Variants in CHRM2 observed in about 807,000 individuals in gnomAD.
The protein encoded by CHRM2 is muscarinic acetylcholine receptor M2.
CHRM2 carries 8 observed loss-of-function variants against 25.0 expected under a neutral mutation model. The observed-to-expected ratio is 0.32, with a 90% CI of 0.19 to 0.58. The LOEUF is 0.58. Ranked by LOEUF, CHRM2 falls within the 20% of genes least tolerant of loss-of-function variation. The pLI is 0.88. For missense variants in CHRM2, 440 were observed against 567.1 expected (o/e 0.78, Z 2.28); for synonymous variants, 202 against 205.7 (o/e 0.98, Z 0.15).
chr7:136,885,193 T>C (rs1217901613), intron 2 of CHRM2, among the ~76,000 whole-genome samples: 1 of 152,228 alleles, frequency 6.6e-6, no homozygotes, highest in African/African-American at 2.4e-5. Context: ...CAGTTTATCA[T>C]CCCTCCTTAG....
At chr7:136,937,003 TGAA>T (rs1364373754) in intron 2 of CHRM2, among the ~76,000 whole-genome samples, 8 of 152,194 alleles carry the variant, frequency 5.3e-5, no homozygotes, top group Admixed American at 3.9e-4. Flanking sequence ...CTAGTCAACA[TGAA>T]TAGAGTTTCT....
chr7:136,973,861 T>C (rs116966513), intron 2 of CHRM2, among the ~76,000 whole-genome samples: 2 of 152,224 alleles, frequency 1.3e-5, no homozygotes, highest in Non-Finnish European at 2.9e-5. Context: ...GGGATGATTT[T>C]ATCCCACTGC....
intron 2 of CHRM2, among the ~76,000 whole-genome samples, chr7:136,882,675 T>C (rs1796311552): frequency 6.6e-6 from 1 of 152,102 alleles, no homozygotes; most frequent in South Asian, 2.1e-4. Context: ...AAAATAAAAC[T>C]TCCTTTCTGA....
At chr7:136,997,009 C>G (rs572664947) in intron 3 of CHRM2, among the ~76,000 whole-genome samples, 1 of 152,296 alleles carries the variant, frequency 6.6e-6, no homozygotes, top group South Asian at 2.1e-4. Context: ...TCTCACCCAG[C>G]TGTATCTCAA....
intron 2 of CHRM2, among the ~76,000 whole-genome samples, chr7:136,884,576 T>C (rs1476301619): frequency 6.6e-6 from 1 of 151,714 alleles, no homozygotes; most frequent in Non-Finnish European, 1.5e-5. Flanking sequence ...GAGGAACTGG[T>C]GTTTTCTGAG....
chr7:136,930,041 A>C (rs1198928833), intron 2 of CHRM2, among the ~76,000 whole-genome samples: 1 of 152,056 alleles, frequency 6.6e-6, no homozygotes, highest in African/African-American at 2.4e-5. Context: ...GCCAGATTGC[A>C]CTTAATGCAA....
At position 137,015,538 on chromosome 7, in the gene CHRM2, G is replaced by A. The variant is rs1161870506; in HGVS notation, c.673G>A (p.Val225Ile). The change falls in exon 4 of 4, where the codon GTT becomes ATT. Residue 225 changes from valine (V) to isoleucine (I), a missense_variant. By Grantham distance (29) the Val-to-Ile change is conservative. Transcript: ENST00000680005. The surrounding 1 kb of genome is among the most constrained non-coding windows in gnomAD (Gnocchi z 5.1). ...GATAAAGAAGGACAAGAAGGAGCCT[G>A]TTGCCAACCAAGACCCCGTTTCTCC... ...SRIKKDKKEP[V>I]ANQDPVSPSL... The A allele has an allele frequency of 1.9e-6, 3 of 1,612,872 alleles. No homozygotes were observed. The highest frequency in any genetic ancestry group is 3.3e-5 in the Admixed American group (2 of 59,834).
chr7:137,014,147 T>C (rs1263362403), intron 3 of CHRM2, among the ~76,000 whole-genome samples: 1 of 152,074 alleles, frequency 6.6e-6, no homozygotes, highest in Non-Finnish European at 1.5e-5. Context: ...TAAGCAAATA[T>C]TCTTGTGTAA....
chr7:136,925,771 T>C (rs113079711), intron 2 of CHRM2, among the ~76,000 whole-genome samples: 18 of 152,322 alleles, frequency 1.2e-4, no homozygotes, highest in African/African-American at 3.6e-4. Flanking sequence ...CTGCATCTCC[T>C]TTTCCTCTGC....
intron 2 of CHRM2, among the ~76,000 whole-genome samples, chr7:136,937,440 G>A (rs1262311899): frequency 2.0e-5 from 3 of 151,796 alleles, no homozygotes; most frequent in South Asian, 4.2e-4. Flanking sequence ...GATCTATATT[G>A]CATGTAGATT....
At chr7:136,924,368 C>G (rs1346871198) in intron 2 of CHRM2, among the ~76,000 whole-genome samples, 23 of 141,762 alleles carry the variant, frequency 1.6e-4, no homozygotes, top group African/African-American at 5.8e-4. Flanking sequence ...CCCCCTCCCC[C>G]ACCCCACAAC....
At position 137,015,024 on chromosome 7, in the gene CHRM2, C is replaced by T; in HGVS notation, c.159C>T (p.His53=). The change falls in exon 4 of 4, where the codon CAC becomes CAT. Residue 53 remains histidine (H), a synonymous_variant. Transcript: ENST00000680005. The surrounding 1 kb of genome is among the most constrained non-coding windows in gnomAD (Gnocchi z 5.1). ...LVMVSIKVNR[H]LQTVNNYFLF... The stretch of plus-strand genomic sequence containing the variant: ...TGGTTTCCATTAAAGTCAACCGCCA[C>T]CTCCAGACCGTCAACAATTACTTTT... 6.2e-7 allele frequency: 1 copy of T among 1,613,394 alleles called. No homozygotes were observed. Among genetic ancestry groups the T allele is most frequent in the Non-Finnish European group, 8.5e-7 (1 of 1,179,588 alleles).
At chr7:136,984,795 A>G (rs145533800) in intron 2 of CHRM2, among the ~76,000 whole-genome samples, 1 of 151,442 alleles carries the variant, frequency 6.6e-6, no homozygotes, top group Non-Finnish European at 1.5e-5. Context: ...AACAATCTCA[A>G]TGAAATGAAT....
At chr7:137,003,498 A>T (rs374925361) in intron 3 of CHRM2, among the ~76,000 whole-genome samples, 24,025 of 89,358 alleles carry the variant, frequency 0.27, 2,470 homozygotes, top group African/African-American at 0.34. Context: ...ACACACACAC[A>T]CACACACACA....
intron 3 of CHRM2, among the ~76,000 whole-genome samples, chr7:136,992,791 A>G (rs1317943806): frequency 6.6e-6 from 1 of 152,154 alleles, no homozygotes; most frequent in Non-Finnish European, 1.5e-5. Context: ...TCATGAAACT[A>G]TGAGAACTGG....
intron 2 of CHRM2, among the ~76,000 whole-genome samples, chr7:136,944,221 G>A (rs1298106186): frequency 2.6e-5 from 4 of 152,060 alleles, no homozygotes; most frequent in Middle Eastern, 6.8e-3. Flanking sequence ...CCAATGTGTC[G>A]TCTTTTATTC....
intron 2 of CHRM2, among the ~76,000 whole-genome samples, chr7:136,974,744 T>C (rs1584858724): frequency 6.6e-6 from 1 of 152,156 alleles, no homozygotes; most frequent in African/African-American, 2.4e-5. Context: ...GGGATTTTAT[T>C]CTCTGTTAAA....
At chr7:136,921,266 A>G (rs1051876824) in intron 2 of CHRM2, among the ~76,000 whole-genome samples, 1 of 151,966 alleles carries the variant, frequency 6.6e-6, no homozygotes, top group African/African-American at 2.4e-5. Context: ...TCTTCCCATC[A>G]TCCTGGGTGC....
intron 2 of CHRM2, among the ~76,000 whole-genome samples, chr7:136,961,103 C>A (rs144825896): frequency 6.6e-6 from 1 of 151,480 alleles, no homozygotes; most frequent in East Asian, 1.9e-4. Flanking sequence ...CCGGCCTGGA[C>A]GACAGAGCTA....
Sources: allele counts gnomAD v4.1 joint callset (sites outside exome capture counted in the v4.1 genomes callset), GRCh38; gene constraint gnomAD v4.1.1; non-coding constraint Gnocchi (gnomAD v3.1); transcripts MANE v1.5; gene names NCBI Gene and HGNC (gene_info 2026-07-23, HGNC 2026-07-21).